SLC35F4: variants seen among roughly 807,000 people sequenced by gnomAD.
The protein encoded by SLC35F4 is chromosome 14 open reading frame 36.
In SLC35F4, 24 loss-of-function variants were observed where a neutral mutation model predicts 44.2. The observed-to-expected ratio is 0.54, with a 90% CI of 0.39 to 0.76. The LOEUF (loss-of-function observed/expected upper bound fraction) is 0.76. Ranked by LOEUF, SLC35F4 falls within the 30% of genes least tolerant of loss-of-function variation. The pLI is 0.00. For synonymous variants in SLC35F4, 238 were observed against 223.6 expected, an observed-to-expected ratio of 1.06 and a Z score of -0.57; for missense variants, 562 against 586.1, an observed-to-expected ratio of 0.96 and a Z score of 0.42.
intron 1 of SLC35F4, among the ~76,000 whole-genome samples, chr14:57,945,274 G>A (rs867059956): frequency 6.6e-6 from 1 of 151,980 alleles, no homozygotes; most frequent in African/African-American, 2.4e-5. Context: ...TACCAAAGAG[G>A]CCAGAGCCCA....
At chr14:57,723,943 C>G (rs1421249544) in intron 1 of SLC35F4, among the ~76,000 whole-genome samples, 1 of 152,158 alleles carries the variant, frequency 6.6e-6, no homozygotes, top group East Asian at 1.9e-4. Context: ...GATCTTCTAC[C>G]TCAGTAAAAT....
At chr14:57,638,487 T>C (rs1039254848) in intron 1 of SLC35F4, among the ~76,000 whole-genome samples, 2 of 152,250 alleles carry the variant, frequency 1.3e-5, no homozygotes, top group African/African-American at 4.8e-5. Flanking sequence ...TACATAAATT[T>C]AGCCAATCCA....
At chr14:57,964,757 G>T (rs1890402764) in intron 1 of SLC35F4, among the ~76,000 whole-genome samples, 2 of 151,952 alleles carry the variant, frequency 1.3e-5, no homozygotes, top group Admixed American at 1.3e-4. Flanking sequence ...AGAACCACAG[G>T]CACCATGGCA....
intron 1 of SLC35F4, among the ~76,000 whole-genome samples, chr14:57,778,861 C>T (rs941320146): frequency 9.2e-5 from 14 of 152,018 alleles, no homozygotes; most frequent in Admixed American, 7.9e-4. Context: ...ATAAACTGCT[C>T]CTGAATGACT....
intron 1 of SLC35F4, among the ~76,000 whole-genome samples, chr14:57,927,672 G>A (rs1220755307): frequency 6.6e-6 from 1 of 151,802 alleles, no homozygotes; most frequent in Non-Finnish European, 1.5e-5. Context: ...TGTGTTTTTA[G>A]TAGAGACAGG....
At chr14:57,590,921 C>G (rs1044303933) in intron 2 of SLC35F4, among the ~76,000 whole-genome samples, 1 of 152,170 alleles carries the variant, frequency 6.6e-6, no homozygotes, top group African/African-American at 2.4e-5. Context: ...TGTTAAAAAC[C>G]TTTACCCAGT....
chr14:57,859,304 T>G (rs923429820), intron 1 of SLC35F4, among the ~76,000 whole-genome samples: 1 of 151,930 alleles, frequency 6.6e-6, no homozygotes, highest in Non-Finnish European at 1.5e-5. Context: ...ACGAGATAAA[T>G]GTTCAGTACA....
At chr14:57,741,471 A>G (rs2076606306) in intron 1 of SLC35F4, among the ~76,000 whole-genome samples, 1 of 152,228 alleles carries the variant, frequency 6.6e-6, no homozygotes, top group Admixed American at 6.5e-5. Context: ...AATTCGATCA[A>G]GTGGAAGAAA....
At chr14:57,701,718 A>C (rs1174178646) in intron 1 of SLC35F4, among the ~76,000 whole-genome samples, 3 of 152,222 alleles carry the variant, frequency 2.0e-5, no homozygotes, top group African/African-American at 7.2e-5. Context: ...CCTATGATAA[A>C]GTTTAATTTA....
chr14:57,901,414 G>T (rs1413387727), intron 1 of SLC35F4, among the ~76,000 whole-genome samples: 2 of 152,166 alleles, frequency 1.3e-5, no homozygotes, highest in African/African-American at 4.8e-5. Flanking sequence ...GCAAACTAAT[G>T]CAGGAACAGA....
chr14:57,917,311 G>A (rs1374972959), intron 1 of SLC35F4, among the ~76,000 whole-genome samples: 15 of 152,020 alleles, frequency 9.9e-5, no homozygotes, highest in African/African-American at 3.6e-4. Flanking sequence ...TGCCCACCTC[G>A]GCCTCCCAAA....
intron 1 of SLC35F4, among the ~76,000 whole-genome samples, chr14:57,926,671 GA>G (rs529349352): frequency 6.9e-6 from 1 of 145,618 alleles, no homozygotes; most frequent in South Asian, 2.3e-4. Flanking sequence ...CTTCTTTGGG[GA>G]AGATATCTTT....
chr14:57,668,443 C>G (rs956989547), intron 1 of SLC35F4, among the ~76,000 whole-genome samples: 1 of 152,010 alleles, frequency 6.6e-6, no homozygotes, highest in African/African-American at 2.4e-5. Context: ...GGGTTTTCTT[C>G]TAGGGTTTTT....
intron 1 of SLC35F4, among the ~76,000 whole-genome samples, chr14:57,686,424 C>G (rs2075070371): frequency 6.6e-6 from 1 of 152,112 alleles, no homozygotes; most frequent in Non-Finnish European, 1.5e-5. Context: ...TTCAAAAAAT[C>G]AAATTAGTGC....
At chr14:57,633,188 A>C (rs933450151) in intron 1 of SLC35F4, among the ~76,000 whole-genome samples, 2 of 152,156 alleles carry the variant, frequency 1.3e-5, no homozygotes, top group Admixed American at 6.6e-5. Context: ...AAGCTGCTCT[A>C]AATATTCATG....
chr14:57,605,237 T>C (rs2071081585), intron 1 of SLC35F4, among the ~76,000 whole-genome samples: 1 of 152,110 alleles, frequency 6.6e-6, no homozygotes, highest in Admixed American at 6.6e-5. Context: ...ATCCAGAATC[T>C]ATAAGGAACT....
chr14:57,619,019 G>A (rs1420759715), intron 1 of SLC35F4, among the ~76,000 whole-genome samples: 4 of 152,006 alleles, frequency 2.6e-5, no homozygotes, highest in Non-Finnish European at 5.9e-5. Flanking sequence ...GGGCATCACC[G>A]AAAAAAAGGC....
At chr14:57,855,605 T>C (rs1471373642) in intron 1 of SLC35F4, among the ~76,000 whole-genome samples, 1 of 152,218 alleles carries the variant, frequency 6.6e-6, no homozygotes, top group Middle Eastern at 3.2e-3. Flanking sequence ...TGTAAATTAG[T>C]TCAACCATTG....
At chr14:57,725,539 C>G (rs2076182175) in intron 1 of SLC35F4, among the ~76,000 whole-genome samples, 1 of 152,196 alleles carries the variant, frequency 6.6e-6, no homozygotes, top group African/African-American at 2.4e-5. Context: ...CCTTATCTGC[C>G]ATTATGGTAT....
Sources: gnomAD v4.1 joint callset for allele counts (sites outside exome capture counted in the v4.1 genomes callset) on GRCh38, gnomAD v4.1.1 for gene constraint, MANE v1.5 for transcripts, NCBI Gene and HGNC (gene_info 2026-07-23, HGNC 2026-07-21) for gene names.